KTN1: variants seen among roughly 807,000 people sequenced by gnomAD.
KTN1 encodes kinectin 1.
Under a neutral mutation model 222.5 loss-of-function variants are expected in KTN1, and 130 were observed. The observed-to-expected ratio is 0.58, with a 90% confidence interval of 0.51 to 0.68. The LOEUF (loss-of-function observed/expected upper bound fraction) is 0.68. KTN1 is among the 30% of genes least tolerant of loss of function. The pLI is 0.00. For missense variants in KTN1, 1,508 were observed against 1,500.4 expected (o/e 1.01, Z -0.08); for synonymous variants, 512 against 496.3 (o/e 1.03, Z -0.42).
chr14:55,654,348 A>AAACG (rs10699254), intron 28 of KTN1, among the ~76,000 whole-genome samples: 1 of 151,656 alleles, frequency 6.6e-6, no homozygotes, highest in Non-Finnish European at 1.5e-5. Context: ...ATCTTTCTAA[A>AAACG]AGGGAGATTA....
At chr14:55,652,775 T>C in intron 25 of KTN1, 75 bp from the exon 26 acceptor site, 1 of 950,002 alleles carries the variant, frequency 1.1e-6, no homozygotes. Context: ...AATATACTTT[T>C]TTCAGTGTCT....
At chr14:55,590,822 T>C (rs1447541131) in intron 1 of KTN1, among the ~76,000 whole-genome samples, 1 of 152,038 alleles carries the variant, frequency 6.6e-6, no homozygotes, top group Non-Finnish European at 1.5e-5. Context: ...ATTACAGGCA[T>C]GCACCACCAC....
chr14:55,626,279 T>G (rs79024594), intron 5 of KTN1, among the ~76,000 whole-genome samples: 11,621 of 152,178 alleles, frequency 0.076, 497 homozygotes, highest in South Asian at 0.11. Context: ...TCTTCACCAT[T>G]GTCTCTATGG....
intron 18 of KTN1, chr14:55,644,193 A>T (rs1022830701): frequency 2.3e-6 from 1 of 440,524 alleles, no homozygotes; most frequent in Non-Finnish European, 4.0e-6. Context: ...TGCTAGTGAA[A>T]GAAGAGAAAA....
At chr14:55,675,646 C>T in intron 40 of KTN1, 189 bp from the exon 41 acceptor site, 1 of 424,330 alleles carries the variant, frequency 2.4e-6, no homozygotes, top group Non-Finnish European at 4.2e-6. Flanking sequence ...TGTGGCTTTT[C>T]TTATGTTTAG....
chr14:55,613,041 G>C (rs997175740), intron 2 of KTN1, among the ~76,000 whole-genome samples: 2 of 152,266 alleles, frequency 1.3e-5, no homozygotes, highest in African/African-American at 4.8e-5. Flanking sequence ...GCTAAAATCA[G>C]ATATCATTTC....
chr14:55,648,854 C>A lies in KTN1; in HGVS notation c.2351C>A (p.Ala784Asp). ...ACAAAAGAAGTTCAAGACTTAAAAG[C>A]TAAGCAAAATGATCAGGTAATGTAA... ...SLTKEVQDLK[A>D]KQNDQVSFAS... The change falls in exon 21 of 44, where the codon GCT becomes GAT. Residue 784 changes from alanine (A) to aspartate (D), a missense_variant. Physicochemically the swap from Ala to Asp is moderately radical, Grantham distance 126. Coordinates refer to ENST00000395314, the MANE Select transcript of KTN1 (RefSeq NM_001079521.2). 1 of 1,597,368 alleles carries A rather than the reference C, an allele frequency of 6.3e-7. No individual in the cohort carries two copies. The highest frequency in any genetic ancestry group is 8.6e-7 in the Non-Finnish European group (1 of 1,166,522).
chr14:55,621,945 T>C (rs1023085651), intron 5 of KTN1, among the ~76,000 whole-genome samples: 2 of 150,796 alleles, frequency 1.3e-5, no homozygotes, highest in African/African-American at 4.9e-5. Context: ...GCCTCCTGGG[T>C]TGAAGTGATT....
At chr14:55,639,244 CT>C in intron 13 of KTN1, 22 bp downstream of exon 13, 1 of 1,565,168 alleles carries the variant, frequency 6.4e-7, no homozygotes, top group Non-Finnish European at 8.8e-7. Context: ...TTTTCACACT[CT>C]TATAATTGTG....
chr14:55,601,669 A>G (rs567194249), intron 1 of KTN1: 1 of 152,334 alleles, frequency 6.6e-6, no homozygotes, highest in African/African-American at 2.4e-5. Context: ...AATGGAATAT[A>G]CTTACAAACA....
At chr14:55,616,020 C>T (rs1193987399) in intron 2 of KTN1, among the ~76,000 whole-genome samples, 1 of 152,054 alleles carries the variant, frequency 6.6e-6, no homozygotes, top group East Asian at 1.9e-4. Flanking sequence ...TCAAGCTATC[C>T]TCCCACCTCA....
At chr14:55,592,355 A>C (rs996848240) in intron 1 of KTN1, among the ~76,000 whole-genome samples, 1 of 152,200 alleles carries the variant, frequency 6.6e-6, no homozygotes. Flanking sequence ...TTATTTATAG[A>C]TGCTTTGAAA....
chr14:55,654,830 C>G (rs952549034), intron 28 of KTN1, among the ~76,000 whole-genome samples: 2 of 152,138 alleles, frequency 1.3e-5, no homozygotes, highest in Non-Finnish European at 2.9e-5. Context: ...TAAAAATCTC[C>G]TGTGTTCTAC....
chr14:55,615,836 T>G (rs1441080394), intron 2 of KTN1, among the ~76,000 whole-genome samples: 1 of 151,786 alleles, frequency 6.6e-6, no homozygotes, highest in Non-Finnish European at 1.5e-5. Flanking sequence ...CTTCCCTTCC[T>G]TCTTTTCCTT....
At chr14:55,636,069 G>A (rs1208206921) in intron 9 of KTN1, among the ~76,000 whole-genome samples, 2 of 152,224 alleles carry the variant, frequency 1.3e-5, no homozygotes, top group East Asian at 3.9e-4. Flanking sequence ...TAGCTACTTA[G>A]ATTTAGCAAT....
chr14:55,587,118 G>T (rs1199118782), intron 1 of KTN1, among the ~76,000 whole-genome samples: 1 of 151,978 alleles, frequency 6.6e-6, no homozygotes, highest in Non-Finnish European at 1.5e-5. Flanking sequence ...CTTGTTCATC[G>T]CTGTGAACTA....
chr14:55,604,882 C>T (rs867242946), intron 1 of KTN1, among the ~76,000 whole-genome samples: 1 of 152,116 alleles, frequency 6.6e-6, no homozygotes, highest in African/African-American at 2.4e-5. Flanking sequence ...TTAAATGGAA[C>T]TTTAGAAGGT....
chr14:55,650,490 T>C, intron 23 of KTN1, 72 bp downstream of exon 23: 1 of 1,493,286 alleles, frequency 6.7e-7, no homozygotes, highest in Non-Finnish European at 9.3e-7. Context: ...TAATTTCGTG[T>C]GTTTTTGTCT....
In KTN1 at chr14:55,622,551, A is replaced by G. The variant is rs972364330; in HGVS notation, c.963+3239A>G. On this transcript the variant is annotated intron_variant, in intron 5 of 43. Transcript: ENST00000395314. ...AAAATAAAGTGATATGTTGTCTGCT[A>G]TTCAATATTAGATGGTGCATTTAAC... Among the ~76,000 whole-genome samples the G allele has an allele frequency of 3.9e-5, 6 of 152,332 alleles. No homozygotes were observed. The East Asian group carries it at 5.8e-4, about 15-fold the overall frequency.
Sources: allele counts gnomAD v4.1 joint callset (sites outside exome capture counted in the v4.1 genomes callset), GRCh38; gene constraint gnomAD v4.1.1; transcripts MANE v1.5; gene names NCBI Gene and HGNC (gene_info 2026-07-23, HGNC 2026-07-21).